GBP1: variants seen among roughly 807,000 people sequenced by gnomAD.
GBP1 encodes the protein guanylate binding protein 1.
Under a neutral mutation model 69.5 loss-of-function variants are expected in GBP1, and 64 were observed. The ratio of observed to expected loss-of-function variants is 0.92; its 90% CI spans 0.75 to 1.13. The LOEUF (loss-of-function observed/expected upper bound fraction) is 1.13. GBP1 is among the 50% of genes most tolerant of loss of function. The pLI, the probability that GBP1 is intolerant of heterozygous loss-of-function variation, is 0.00. For missense variants in GBP1, 630 were observed against 704.1 expected (o/e 0.89, Z 1.19); for synonymous variants, 250 against 261.2 (o/e 0.96, Z 0.41).
chr1:89,057,616 C>A (rs549528891), intron 6 of GBP1, among the ~76,000 whole-genome samples: 325 of 152,318 alleles, frequency 2.1e-3, no homozygotes, highest in Admixed American at 3.9e-3. Flanking sequence ...TGTATATGTG[C>A]TTTTCAGTGT....
chr1:89,055,812 C>T (rs1485244886), intron 8 of GBP1: 2 of 639,898 alleles, frequency 3.1e-6, no homozygotes, highest in Non-Finnish European at 2.7e-6. Flanking sequence ...GAATTTATAA[C>T]TTAATAGTTA....
At position 89,055,961 on chromosome 1, in the gene GBP1, GT is replaced by G. The variant is rs1222442752; in HGVS notation, c.1368+54del. On this transcript the variant is annotated intron_variant, in intron 8 of 10. Coordinates refer to ENST00000370473, the MANE Select transcript of GBP1 (RefSeq NM_002053.3). ...TGCAGTGAAGCTTGGTCACCTTGGTGTTTGTAGGAGGCAGGTCAGCAGCTTT... is the reference window on the plus strand; with the variant it reads ...TGCAGTGAAGCTTGGTCACCTTGGTGTTGTAGGAGGCAGGTCAGCAGCTTT... 3.1e-6 allele frequency: 5 copies of G among 1,606,414 alleles called. No homozygotes were observed. The East Asian group carries it at 1.1e-4, about 36-fold the overall frequency.
chr1:89,058,741 T>C (rs1376060352), intron 5 of GBP1, 100 bp downstream of exon 5: 1 of 1,291,088 alleles, frequency 7.7e-7, no homozygotes, highest in Non-Finnish European at 1.1e-6. Context: ...GCTGAAGACA[T>C]AGAAAACTGC....
chr1:89,061,453 G>A (rs575341759), intron 2 of GBP1, among the ~76,000 whole-genome samples: 1 of 152,042 alleles, frequency 6.6e-6, no homozygotes, highest in Admixed American at 6.6e-5. Flanking sequence ...TTGAGGAAAT[G>A]ATATATCTCC....
intron 1 of GBP1, 137 bp from the exon 2 acceptor site, chr1:89,063,390 G>A (rs1680253030): frequency 4.3e-6 from 3 of 704,246 alleles, no homozygotes; most frequent in Middle Eastern, 6.6e-4. Context: ...TATCATTTGA[G>A]AAAGTTATGG....
At chr1:89,053,805 T>C (rs951188969) in intron 10 of GBP1, among the ~76,000 whole-genome samples, 2 of 152,238 alleles carry the variant, frequency 1.3e-5, no homozygotes, top group African/African-American at 4.8e-5. Flanking sequence ...ACTGAGTTTC[T>C]GCACATAGCT....
chr1:89,064,898 A>G (rs1557752546), intron 1 of GBP1, among the ~76,000 whole-genome samples: 1 of 152,182 alleles, frequency 6.6e-6, no homozygotes, highest in Non-Finnish European at 1.5e-5. Flanking sequence ...GCCCCTGTCT[A>G]CTGGTGCCTA....
chr1:89,058,092 C>T lies in GBP1; in HGVS notation c.774G>A (p.Leu258=). The T allele has an allele frequency of 6.2e-7, 1 of 1,614,180 alleles. No individual in the cohort carries two copies. Among genetic ancestry groups the T allele is most frequent in the Non-Finnish European group, 8.5e-7 (1 of 1,180,016 alleles). The part of the protein sequence containing the change: ...AQLEKLQDEE[L]DPEFVQQVAD... ...CTACTTGTTGCACAAATTCGGGGTC[C>T]AGCTCTTCATCTTGTAGTTTCTCGA... Residue 258 remains leucine (L), a synonymous_variant, in exon 6 of 11, where the codon CTG becomes CTA. Coordinates refer to ENST00000370473, the MANE Select transcript of GBP1 (RefSeq NM_002053.3).
chr1:89,055,265 G>T (rs1307773246), intron 8 of GBP1, 50 bp from the exon 9 acceptor site: 1 of 1,607,542 alleles, frequency 6.2e-7, no homozygotes, highest in Non-Finnish European at 8.5e-7. Flanking sequence ...GCTGTAAGCA[G>T]GTGTTCCTGT....
At position 89,063,075 on chromosome 1, in the gene GBP1, G is replaced by A. The variant is rs776321483; in HGVS notation, c.160C>T (p.Leu54=). 62 of 1,613,954 alleles carry A rather than the reference G, an allele frequency of 3.8e-5. No individual in the cohort carries two copies. The highest frequency in any genetic ancestry group is 4.7e-5 in the Non-Finnish European group (55 of 1,179,974). ...TTCTTTCCAGCCAGCTTGTTCATCA[G>A]GTAGGATTTGCCTGTGCGGTAGAGG... is the stretch of plus-strand genomic sequence containing the variant. The part of the protein sequence containing the change: ...VGLYRTGKSY[L]MNKLAGKKKG... Residue 54 remains leucine, a synonymous_variant, in exon 2 of 11, where the codon CTG becomes TTG. Coordinates refer to ENST00000370473, the MANE Select transcript of GBP1 (RefSeq NM_002053.3).
In GBP1 at chr1:89,058,231, G is replaced by C. The variant is rs1557749556; in HGVS notation, c.635C>G (p.Thr212Ser). Residue 212 changes from threonine (T) to serine (S), a missense_variant, in exon 6 of 11, where the codon ACC becomes AGC. Around this residue, in one of 5 missense-constraint regions of GBP1, gnomAD observed 367 missense variants for 369.5 expected, o/e 0.99. Transcript: ENST00000370473. ...GTTAAAAGTTTCATCTTTTTGACTG[G>C]TACCTAGAAAAACATTTAAAAAATT... ...LTYSLKLKKG[T>S]SQKDETFNLP... The C allele has an allele frequency of 1.9e-6, 3 of 1,578,264 alleles. No individual in the cohort carries two copies. Among genetic ancestry groups the C allele is most frequent in the Admixed American group, 1.9e-5 (1 of 51,866 alleles).
rs144519018 is a variant in GBP1 at position 89,056,131 on chromosome 1, A to G, written c.1253T>C (p.Leu418Pro). 1.0e-4 allele frequency: 167 copies of G among 1,613,960 alleles called. 2 individuals carry two copies. The African/African-American group carries it at 1.9e-3, about 18-fold the overall frequency. ...AATTCCCGCCTTCACTTCTTCTTCTAGAGGACTGAAAATGACCTGAAGTAA... is the reference window on the plus strand; with the variant it reads ...AATTCCCGCCTTCACTTCTTCTTCTGGAGGACTGAAAATGACCTGAAGTAA... ...SALLQVIFSP[L>P]EEEVKAGIYS... is the part of the protein sequence containing the mutation. Residue 418 changes from leucine (L) to proline (P), a missense_variant, in exon 8 of 11, where the codon CTA becomes CCA. Around this residue, in one of 5 missense-constraint regions of GBP1, gnomAD observed 367 missense variants for 369.5 expected, o/e 0.99. Transcript: ENST00000370473.
At chr1:89,063,018 T>C in intron 2 of GBP1, 27 bp downstream of exon 2, 1 of 1,613,352 alleles carries the variant, frequency 6.2e-7, no homozygotes, top group Non-Finnish European at 8.5e-7. Context: ...AGAAGGGACT[T>C]GGCAGAGCTT....
At chr1:89,064,728 T>C (rs1242832520) in intron 1 of GBP1, among the ~76,000 whole-genome samples, 2 of 152,180 alleles carry the variant, frequency 1.3e-5, no homozygotes, top group South Asian at 2.1e-4. Context: ...GTTCTTTCCT[T>C]CCATGAAAAG....
In GBP1 at chr1:89,060,204, A is replaced by G. The variant is rs138685353; in HGVS notation, c.311T>C (p.Val104Ala). Residue 104 changes from valine to alanine, a missense_variant, in exon 3 of 11, where the codon GTA becomes GCA. Physicochemically the swap from Val to Ala is moderately conservative, Grantham distance 64 (BLOSUM62 0). Around this residue, in one of 5 missense-constraint regions of GBP1, gnomAD observed 131 missense variants for 138.5 expected, o/e 0.95. Coordinates refer to ENST00000370473, the MANE Select transcript of GBP1 (RefSeq NM_002053.3). ...VLLDTEGLGD[V>A]EKGDNQNDSW... ...TGGATCCTTGAGTCTCACCTTCTCT[A>G]CATCTCCCAGACCCTCGGTGTCCAG... The G allele has an allele frequency of 1.9e-6, 3 of 1,597,482 alleles. No homozygotes were observed. Among genetic ancestry groups the G allele is most frequent in the African/African-American group, 1.3e-5 (1 of 74,128 alleles).
chr1:89,057,508 A>G (rs1421985331), intron 6 of GBP1, among the ~76,000 whole-genome samples: 7 of 152,258 alleles, frequency 4.6e-5, no homozygotes, highest in African/African-American at 1.4e-4. Context: ...ATCAATATGT[A>G]TGAAACAAAT....
At chr1:89,061,459 T>G (rs1021324979) in intron 2 of GBP1, among the ~76,000 whole-genome samples, 1 of 152,096 alleles carries the variant, frequency 6.6e-6, no homozygotes, top group Non-Finnish European at 1.5e-5. Flanking sequence ...AAATGATATA[T>G]CTCCTTAAAA....
rs1298576390 is a variant in GBP1 at position 89,057,008 on chromosome 1, TG to T, written c.1000del (p.His334ThrfsTer51). ...CTTCTGGCCCATCTGCTGTTCATAG[TG>T]GGCAATAGCCTTTTGCACTGCAGCT... ...NSAAVQKAIA[H>X]YEQQMGQKVQ... is the part of the protein sequence containing the mutation. On this transcript the variant is annotated frameshift_variant, in exon 7 of 11. Coordinates refer to ENST00000370473, the MANE Select transcript of GBP1 (RefSeq NM_002053.3). LOFTEE classifies it high-confidence loss of function. 1 of 1,614,128 alleles carries T rather than the reference TG, an allele frequency of 6.2e-7. No individual in the cohort carries two copies. Among genetic ancestry groups the T allele is most frequent in the Non-Finnish European group, 8.5e-7 (1 of 1,180,052 alleles).
At position 89,058,047 on chromosome 1, in the gene GBP1, G is replaced by C; in HGVS notation, c.819C>G (p.Ile273Met). Reference protein sequence around the residue: ...VQQVADFCSYIFSNSKTKTLS... With the variant: ...VQQVADFCSYMFSNSKTKTLS... ...GAGTTTTAGTTTTGGAATTACTAAA[G>C]ATGTAGGAACAGAAGTCTGCTACTT... is the stretch of plus-strand genomic sequence containing the variant. The change falls in exon 6 of 11, where the codon ATC (isoleucine) becomes ATG (methionine). Residue 273 changes from isoleucine to methionine, a missense_variant. Physicochemically the swap from Ile to Met is conservative, Grantham distance 10. Around this residue, in one of 5 missense-constraint regions of GBP1, gnomAD observed 367 missense variants for 369.5 expected, o/e 0.99. Coordinates refer to ENST00000370473, the MANE Select transcript of GBP1 (RefSeq NM_002053.3). The C allele has an allele frequency of 1.2e-6, 2 of 1,614,106 alleles. No individual in the cohort carries two copies. Among genetic ancestry groups the C allele is most frequent in the Non-Finnish European group, 8.5e-7 (1 of 1,180,002 alleles).
Sources: allele counts gnomAD v4.1 joint callset (sites outside exome capture counted in the v4.1 genomes callset), GRCh38; gene constraint gnomAD v4.1.1; regional missense constraint gnomAD v4.1.1; transcripts MANE v1.5; gene names NCBI Gene and HGNC (gene_info 2026-07-23, HGNC 2026-07-21).